Variants in LCK observed in about 807,000 individuals in gnomAD.
The protein encoded by LCK is LCK proto-oncogene, Src family tyrosine kinase, also known as tyrosine-protein kinase Lck.
In LCK, 14 loss-of-function variants were observed where a neutral mutation model predicts 64.6. The observed-to-expected ratio is 0.22, with a 90% CI of 0.14 to 0.34. The LOEUF is 0.34. LCK is among the 10% of genes least tolerant of loss of function. The pLI is 1.00. For missense variants in LCK, 434 were observed against 668.1 expected, an observed-to-expected ratio of 0.65 and a Z score of 3.86; for synonymous variants, 277 against 263.6, an observed-to-expected ratio of 1.05 and a Z score of -0.49.
intron 1 of LCK, among the ~76,000 whole-genome samples, chr1:32,255,630 G>A (rs930187213): frequency 1.3e-5 from 2 of 152,088 alleles, no homozygotes; most frequent in African/African-American, 4.8e-5. Context: ...TGATCAGTGA[G>A]CTAACTACAA....
chr1:32,283,207 T>G (rs1450953510), intron 12 of LCK, among the ~76,000 whole-genome samples: 1 of 149,824 alleles, frequency 6.7e-6, no homozygotes, highest in East Asian at 2.0e-4. Flanking sequence ...GGGAATCATT[T>G]GAACCTGGGA....
At chr1:32,278,923 C>T (rs1419152699) in intron 9 of LCK, among the ~76,000 whole-genome samples, 1 of 152,132 alleles carries the variant, frequency 6.6e-6, no homozygotes, top group Non-Finnish European at 1.5e-5. Flanking sequence ...CTAGCAACTC[C>T]CATCCATGTC....
intron 9 of LCK, among the ~76,000 whole-genome samples, chr1:32,278,910 A>C (rs1048782280): frequency 1.3e-5 from 2 of 152,170 alleles, no homozygotes; most frequent in Non-Finnish European, 2.9e-5. Context: ...CACTCACTGC[A>C]TCCTAGCAAC....
intron 1 of LCK, among the ~76,000 whole-genome samples, chr1:32,263,156 C>T (rs920163174): frequency 3.3e-5 from 5 of 152,090 alleles, no homozygotes; most frequent in Admixed American, 2.6e-4. Context: ...CTTTGGGAAG[C>T]GGAGGTGGGC....
chr1:32,282,251 T>C (rs929698329), intron 12 of LCK, among the ~76,000 whole-genome samples: 3 of 152,106 alleles, frequency 2.0e-5, no homozygotes, highest in South Asian at 2.1e-4. Flanking sequence ...GGCAAACCCA[T>C]AGGGAATGTA....
intron 12 of LCK, among the ~76,000 whole-genome samples, chr1:32,283,823 G>T (rs1640532409): frequency 6.6e-6 from 1 of 152,088 alleles, no homozygotes; most frequent in African/African-American, 2.4e-5. Flanking sequence ...CCTGCCCTGG[G>T]CCCTGACCAT....
rs752903747 is a variant in LCK at position 32,274,810 on chromosome 1, C to T, written c.179C>T (p.Pro60Leu). The change falls in exon 3 of 13, where the codon CCA (proline) becomes CTA (leucine). Residue 60 changes from proline to leucine, a missense_variant. Coordinates refer to ENST00000336890, the MANE Select transcript of LCK (RefSeq NM_005356.5). Reference sequence around the variant, plus strand: ...GAAGGCTCCAATCCGCCGGCTTCCCCACTGCAAGGTGACCCCAGGCAGCAG... The same window carrying T: ...GAAGGCTCCAATCCGCCGGCTTCCCTACTGCAAGGTGACCCCAGGCAGCAG... Reference protein sequence around the residue: ...TYEGSNPPASPLQDNLVIALH... With the variant: ...TYEGSNPPASLLQDNLVIALH... The T allele has an allele frequency of 3.1e-6, 5 of 1,613,966 alleles. No homozygotes were observed. The South Asian group carries it at 5.5e-5, about 18-fold the overall frequency.
At chr1:32,255,704 G>T (rs1180192601) in intron 1 of LCK, among the ~76,000 whole-genome samples, 1 of 152,154 alleles carries the variant, frequency 6.6e-6, no homozygotes, top group Non-Finnish European at 1.5e-5. Flanking sequence ...TGTCACAGAG[G>T]GCAGGGCCAA....
chr1:32,272,960 T>G (rs1258031233), intron 1 of LCK, among the ~76,000 whole-genome samples: 17 of 136,364 alleles, frequency 1.2e-4, no homozygotes, highest in African/African-American at 5.1e-4. Context: ...AATGTGTGTG[T>G]GTGGGGTGAG....
intron 12 of LCK, among the ~76,000 whole-genome samples, chr1:32,280,759 C>G (rs891390506): frequency 1.3e-5 from 2 of 152,092 alleles, no homozygotes; most frequent in African/African-American, 2.4e-5. Flanking sequence ...GGCCCCAGCT[C>G]TTTTCTTTAG....
intron 12 of LCK, among the ~76,000 whole-genome samples, chr1:32,282,407 G>A (rs868181899): frequency 1.3e-5 from 2 of 152,162 alleles, no homozygotes; most frequent in African/African-American, 4.8e-5. Context: ...AGGCGTGGGG[G>A]ACCCAAAAAA....
At chr1:32,284,294 A>AGAT (rs1483929875) in intron 12 of LCK, among the ~76,000 whole-genome samples, 1 of 144,414 alleles carries the variant, frequency 6.9e-6, no homozygotes, top group Non-Finnish European at 1.5e-5. Flanking sequence ...TATATCTGTG[A>AGAT]GATATATATA....
chr1:32,264,548 G>A (rs1235636849), intron 1 of LCK, among the ~76,000 whole-genome samples: 30 of 151,888 alleles, frequency 2.0e-4, no homozygotes, highest in Admixed American at 2.0e-3. Flanking sequence ...AACCCTCAGT[G>A]TATTATTGGG....
Position 32,275,678 on chromosome 1 carries a change from C to T in LCK, c.481+6C>T, listed in dbSNP as rs1206017487. The T allele has an allele frequency of 6.4e-7, 1 of 1,556,022 alleles. No homozygotes were observed. The highest frequency in any genetic ancestry group is 1.9e-5 in the Admixed American group (1 of 51,802). On this transcript the variant is annotated splice_donor_region_variant and intron_variant, in intron 6 of 12. Transcript: ENST00000336890. This position sits in a 1 kb window ranked among gnomAD's most constrained non-coding sequence, Gnocchi z 6.9. ...GGAGAGCGAGAGCACCGCGGGTGAG[C>T]GGGCGGCGGTCTCGACCGGGCGCGG... is the stretch of plus-strand genomic sequence containing the variant.
In LCK at chr1:32,276,834, G is replaced by C; in HGVS notation, c.964+48G>C. 1 of 1,505,616 alleles carries C rather than the reference G, an allele frequency of 6.6e-7. No individual in the cohort carries two copies. 93.3% of individuals were successfully genotyped at this position (1,505,616 alleles called of 1,614,324 possible). A position where few individuals can be genotyped will look rare whatever the true frequency, so the allele number is the denominator to read the frequency against. On this transcript the variant is annotated intron_variant, in intron 9 of 12. Coordinates refer to ENST00000336890, the MANE Select transcript of LCK (RefSeq NM_005356.5). This position sits in a 1 kb window ranked among gnomAD's most constrained non-coding sequence, Gnocchi z 4.6. The stretch of plus-strand genomic sequence containing the variant: ...ACCAGGGGATACTGCTCTCCCTGCT[G>C]TCCCTGCCAGAGGGTGGAAATACAC...
intron 1 of LCK, among the ~76,000 whole-genome samples, chr1:32,269,870 A>G (rs577528936): frequency 4.1e-4 from 62 of 152,320 alleles, no homozygotes; most frequent in African/African-American, 1.5e-3. Flanking sequence ...GTTTCTAAGC[A>G]CTAAACTAAG....
chr1:32,276,223 C>A lies in LCK; in HGVS notation c.632-114C>A. Reference sequence around the variant, plus strand: ...GCCCCAAGTGTTTGGGTGACAGCCCCACACCCCCTTGCTAGTCCACTTCAC... The same window carrying A: ...GCCCCAAGTGTTTGGGTGACAGCCCAACACCCCCTTGCTAGTCCACTTCAC... On this transcript the variant is annotated intron_variant, in intron 7 of 12. Transcript: ENST00000336890. This position sits in a 1 kb window ranked among gnomAD's most constrained non-coding sequence, Gnocchi z 4.6. The A allele has an allele frequency of 6.8e-7, 1 of 1,466,718 alleles. No homozygotes were observed. The highest frequency in any genetic ancestry group is 9.1e-7 in the Non-Finnish European group (1 of 1,095,086). 90.9% of individuals were successfully genotyped at this position (1,466,718 alleles called of 1,614,324 possible).
At chr1:32,268,488 A>C (rs145491507) in intron 1 of LCK, among the ~76,000 whole-genome samples, 1 of 151,288 alleles carries the variant, frequency 6.6e-6, no homozygotes, top group Non-Finnish European at 1.5e-5. Context: ...AGTTTTTATA[A>C]TAATAATAAT....
rs1361876649 is a variant in LCK, at chr1:32,276,119, C to T, written c.631+56C>T. The T allele has an allele frequency of 3.8e-6, 6 of 1,589,560 alleles. No homozygotes were observed. The African/African-American group carries it at 8.1e-5, about 21-fold the overall frequency. On this transcript the variant is annotated intron_variant, in intron 7 of 12. Transcript: ENST00000336890. This position sits in a 1 kb window ranked among gnomAD's most constrained non-coding sequence, Gnocchi z 4.6. The stretch of plus-strand genomic sequence containing the variant: ...CTATCAGCCTATCTCCCCTCAGTCC[C>T]CCTCAGGTGTCCCCCATCCATCTTT...
Sources: gnomAD v4.1 joint callset for allele counts (sites outside exome capture counted in the v4.1 genomes callset) on GRCh38, gnomAD v4.1.1 for gene constraint, Gnocchi (gnomAD v3.1) non-coding constraint, MANE v1.5 for transcripts, NCBI Gene and HGNC (gene_info 2026-07-23, HGNC 2026-07-21) for gene names.